SYT6: variants seen among roughly 807,000 people sequenced by gnomAD.
The protein encoded by SYT6 is synaptotagmin 6, also known as synaptotagmin-6.
In SYT6, 24 loss-of-function variants were observed where a neutral mutation model predicts 38.4. That is an observed-to-expected ratio of 0.62 (90% CI 0.45 to 0.88). The LOEUF (loss-of-function observed/expected upper bound fraction) is 0.88. Ranked by LOEUF, SYT6 falls within the 40% of genes least tolerant of loss-of-function variation. The pLI, the probability that SYT6 is intolerant of heterozygous loss-of-function variation, is 0.00. For synonymous variants in SYT6, 265 were observed against 241.9 expected, an observed-to-expected ratio of 1.10 and a Z score of -0.89; for missense variants, 611 against 621.0, an observed-to-expected ratio of 0.98 and a Z score of 0.17.
intron 3 of SYT6, among the ~76,000 whole-genome samples, chr1:114,130,850 T>C (rs1177521866): frequency 6.6e-6 from 1 of 152,220 alleles, no homozygotes; most frequent in African/African-American, 2.4e-5. Context: ...AGATCCAAGA[T>C]GGACACTTCG....
At chr1:114,129,653 T>TTTTCTTTC (rs143511158) in intron 3 of SYT6, among the ~76,000 whole-genome samples, 1 of 141,098 alleles carries the variant, frequency 7.1e-6, no homozygotes, top group African/African-American at 2.6e-5. Flanking sequence ...CTTTCTTTCT[T>TTTTCTTTC]TTTCTTTCTT....
chr1:114,136,779 C>T (rs2101085010), intron 3 of SYT6, among the ~76,000 whole-genome samples: 1 of 152,340 alleles, frequency 6.6e-6, no homozygotes, highest in South Asian at 2.1e-4. Context: ...AGGGACTCTG[C>T]TGTGTGTCGT....
At chr1:114,101,310 C>T (rs192663417) in intron 4 of SYT6, among the ~76,000 whole-genome samples, 5 of 152,230 alleles carry the variant, frequency 3.3e-5, no homozygotes, top group East Asian at 3.9e-4. Context: ...CAAAAGTCTG[C>T]GGTTTCTAGT....
chr1:114,127,798 A>G (rs945381173), intron 3 of SYT6, among the ~76,000 whole-genome samples: 1 of 152,230 alleles, frequency 6.6e-6, no homozygotes, highest in African/African-American at 2.4e-5. Flanking sequence ...GATGCACTGG[A>G]CATTTCCAGC....
At chr1:114,136,133 G>GA (rs1227154621) in intron 3 of SYT6, among the ~76,000 whole-genome samples, 3 of 152,204 alleles carry the variant, frequency 2.0e-5, no homozygotes, top group Non-Finnish European at 4.4e-5. Context: ...CAAGCTATGA[G>GA]AATGGCGTGT....
At chr1:114,124,883 A>C (rs1677634115) in intron 3 of SYT6, among the ~76,000 whole-genome samples, 1 of 152,196 alleles carries the variant, frequency 6.6e-6, no homozygotes. Flanking sequence ...AGATTGCCTG[A>C]GTTGCTTCAT....
At chr1:114,140,801 A>G (rs1425258387) in intron 1 of SYT6, among the ~76,000 whole-genome samples, 2 of 152,200 alleles carry the variant, frequency 1.3e-5, no homozygotes, top group African/African-American at 4.8e-5. Context: ...CAGTTTTCCA[A>G]CAGCATGTGC....
chr1:114,148,408 C>A (rs1469138746), intron 1 of SYT6, among the ~76,000 whole-genome samples: 1 of 152,234 alleles, frequency 6.6e-6, no homozygotes, highest in Non-Finnish European at 1.5e-5. Context: ...TTTCCCTACT[C>A]ACCCCAAAGC....
At chr1:114,127,440 G>A (rs1396134135) in intron 3 of SYT6, among the ~76,000 whole-genome samples, 1 of 152,198 alleles carries the variant, frequency 6.6e-6, no homozygotes, top group Non-Finnish European at 1.5e-5. Flanking sequence ...TTGGCCCCTT[G>A]GGCAGTCCCA....
rs535802266 is a variant in SYT6, at chr1:114,131,755, T to G, written c.1071+5740A>C. Among the ~76,000 whole-genome samples, 44 of 152,074 alleles carry G rather than the reference T, an allele frequency of 2.9e-4. 1 individual carries two copies. Among genetic ancestry groups the G allele is most frequent in the Admixed American group, 2.5e-3 (38 of 15,266 alleles). On this transcript the variant is annotated intron_variant, in intron 3 of 7. Transcript: ENST00000610222. ...AGCATTCAATGAATAGCTATTAAAC[T>G]AAAAAGAAACAATGTCAAACCCACT...
At chr1:114,128,738 T>C (rs1242561740) in intron 3 of SYT6, among the ~76,000 whole-genome samples, 3 of 152,248 alleles carry the variant, frequency 2.0e-5, no homozygotes, top group African/African-American at 7.2e-5. Flanking sequence ...CTTTGTTTCC[T>C]GAGACACTGT....
chr1:114,119,526 C>T (rs1423823777), intron 3 of SYT6, among the ~76,000 whole-genome samples: 2 of 152,186 alleles, frequency 1.3e-5, no homozygotes, highest in East Asian at 3.9e-4. Flanking sequence ...TCACAATAAC[C>T]TTATGGAAAA....
chr1:114,092,174 C>G (rs1053577904), intron 7 of SYT6, 92 bp from the exon 8 acceptor site: 14 of 1,190,758 alleles, frequency 1.2e-5, no homozygotes, highest in African/African-American at 3.1e-5. Flanking sequence ...CTGAATTCAC[C>G]TTTCCTAGCT....
chr1:114,104,116 C>G (rs573717427), intron 3 of SYT6, among the ~76,000 whole-genome samples: 1 of 152,348 alleles, frequency 6.6e-6, no homozygotes, highest in East Asian at 1.9e-4. Flanking sequence ...GACTTCCTGC[C>G]CATCCAGGCA....
rs745574119 is a variant in SYT6 at position 114,137,605 on chromosome 1, G to A, written c.961C>T (p.Arg321Cys). The change falls in exon 3 of 8, where the codon CGC becomes TGC. Residue 321 changes from arginine to cysteine, a missense_variant. By Grantham distance (180) the Arg-to-Cys change is radical. Coordinates refer to ENST00000610222, the MANE Select transcript of SYT6 (RefSeq NM_001253772.2). ...KLHLSVFDFD[R>C]FSRHDMIGEV... ...CCAATCATGTCATGGCGGGAGAAGC[G>A]GTCAAAGTCGAAGACACTGAGATGC... The A allele has an allele frequency of 1.1e-5, 17 of 1,614,096 alleles. No individual in the cohort carries two copies. Among genetic ancestry groups the A allele is most frequent in the African/African-American group, 5.3e-5 (4 of 74,934 alleles).
At chr1:114,114,971 T>C (rs1676910375) in intron 3 of SYT6, among the ~76,000 whole-genome samples, 1 of 152,222 alleles carries the variant, frequency 6.6e-6, no homozygotes, top group South Asian at 2.1e-4. Context: ...CATGGCACAC[T>C]GGGTATATTT....
chr1:114,119,612 C>T (rs1233735335), intron 3 of SYT6, among the ~76,000 whole-genome samples: 4 of 152,196 alleles, frequency 2.6e-5, no homozygotes. Flanking sequence ...GGAGATATGG[C>T]TTGAACCCAG....
intron 1 of SYT6, among the ~76,000 whole-genome samples, chr1:114,142,578 C>G (rs1032089835): frequency 5.3e-5 from 8 of 152,184 alleles, no homozygotes; most frequent in Admixed American, 3.9e-4. Context: ...AGAGGATTGA[C>G]TCCAATTTTG....
At chr1:114,138,124 G>T in intron 2 of SYT6, 71 bp from the exon 3 acceptor site, 1 of 1,427,186 alleles carries the variant, frequency 7.0e-7, no homozygotes, top group Non-Finnish European at 9.4e-7. Context: ...AGGCAAACAC[G>T]AGCCTGGAGG....
Sources: allele counts gnomAD v4.1 joint callset (sites outside exome capture counted in the v4.1 genomes callset), GRCh38; gene constraint gnomAD v4.1.1; transcripts MANE v1.5; gene names NCBI Gene and HGNC (gene_info 2026-07-23, HGNC 2026-07-21).